ANKS1B: variants seen among roughly 807,000 people sequenced by gnomAD.
The protein encoded by ANKS1B is ankyrin repeat and sterile alpha motif domain containing 1B, also known as ankyrin repeat and sterile alpha motif domain-containing protein 1B.
Under a neutral mutation model 148.3 loss-of-function variants are expected in ANKS1B, and 36 were observed. The ratio of observed to expected loss-of-function variants is 0.24; its 90% CI spans 0.19 to 0.32. ANKS1B has a LOEUF of 0.32. Ranked by LOEUF, ANKS1B falls within the 10% of genes least tolerant of loss-of-function variation. ANKS1B has a pLI of 1.00. For synonymous variants in ANKS1B, 542 were observed against 560.8 expected, an observed-to-expected ratio of 0.97 and a Z score of 0.47; for missense variants, 1,157 against 1,542.6, an observed-to-expected ratio of 0.75 and a Z score of 4.19.
chr12:99,470,860 T>A (rs2096230552), intron 10 of ANKS1B, among the ~76,000 whole-genome samples: 1 of 152,146 alleles, frequency 6.6e-6, no homozygotes, highest in Non-Finnish European at 1.5e-5. Context: ...ACCTGATATT[T>A]TGGCATAAAT....
At chr12:99,573,921 CTCT>C (rs1346127780) in intron 9 of ANKS1B, among the ~76,000 whole-genome samples, 2 of 151,878 alleles carry the variant, frequency 1.3e-5, no homozygotes, top group Non-Finnish European at 2.9e-5. Context: ...TTTTTAATTT[CTCT>C]TTTTTATCAT....
chr12:99,239,776 G>A (rs929281103), intron 14 of ANKS1B, among the ~76,000 whole-genome samples: 1 of 152,196 alleles, frequency 6.6e-6, no homozygotes, highest in Non-Finnish European at 1.5e-5. Context: ...CATTCTTAAA[G>A]AAAAGAATTT....
chr12:98,778,647 G>C (rs966533553), intron 24 of ANKS1B, among the ~76,000 whole-genome samples: 1 of 152,162 alleles, frequency 6.6e-6, no homozygotes, highest in Admixed American at 6.5e-5. Flanking sequence ...CTAGGTATCT[G>C]GGCATGGTTC....
intron 11 of ANKS1B, among the ~76,000 whole-genome samples, chr12:99,412,738 C>G (rs147966182): frequency 6.6e-6 from 1 of 152,208 alleles, no homozygotes; most frequent in Non-Finnish European, 1.5e-5. Context: ...CACTTGCGAT[C>G]CACTCAGCTT....
At chr12:99,919,843 A>G (rs1053919842) in intron 1 of ANKS1B, among the ~76,000 whole-genome samples, 2 of 151,824 alleles carry the variant, frequency 1.3e-5, no homozygotes, top group African/African-American at 4.8e-5. Context: ...ATATCTCATT[A>G]AAAATGTTTA....
At chr12:98,964,145 G>C (rs2099875803) in intron 17 of ANKS1B, among the ~76,000 whole-genome samples, 1 of 152,188 alleles carries the variant, frequency 6.6e-6, no homozygotes, top group South Asian at 2.1e-4. Context: ...TGAAATGTCT[G>C]AATAGACATT....
At chr12:98,932,383 C>T (rs1443705558) in intron 17 of ANKS1B, among the ~76,000 whole-genome samples, 2 of 152,096 alleles carry the variant, frequency 1.3e-5, no homozygotes, top group African/African-American at 4.8e-5. Context: ...CATTTAATTC[C>T]AGGATGCTCA....
intron 12 of ANKS1B, among the ~76,000 whole-genome samples, chr12:99,360,234 A>G (rs1222878827): frequency 6.6e-6 from 1 of 152,146 alleles, no homozygotes; most frequent in Non-Finnish European, 1.5e-5. Flanking sequence ...TCATGGCAAG[A>G]GTCACTTAAT....
intron 12 of ANKS1B, chr12:99,345,091 C>T (rs956625805): frequency 5.3e-5 from 8 of 151,988 alleles, no homozygotes; most frequent in Non-Finnish European, 8.8e-5. Context: ...ATTTTAATAA[C>T]TTTGGAGGTG....
chr12:99,755,328 A>C (rs776941678), intron 8 of ANKS1B, among the ~76,000 whole-genome samples: 2 of 150,544 alleles, frequency 1.3e-5, no homozygotes, highest in Non-Finnish European at 3.0e-5. Flanking sequence ...AGCAAACCAA[A>C]CCTCTGAAAT....
chr12:99,220,798 A>C (rs540208528), intron 14 of ANKS1B, among the ~76,000 whole-genome samples: 2 of 152,254 alleles, frequency 1.3e-5, no homozygotes, highest in South Asian at 4.1e-4. Context: ...TAATTCATTC[A>C]ATAATACAGG....
chr12:99,730,407 T>C (rs1018187746), intron 8 of ANKS1B, among the ~76,000 whole-genome samples: 8 of 152,162 alleles, frequency 5.3e-5, no homozygotes, highest in Non-Finnish European at 1.0e-4. Context: ...TGAGTGCTCA[T>C]TGGGGGCCAG....
chr12:99,137,666 A>G (rs2068620776), intron 15 of ANKS1B, among the ~76,000 whole-genome samples: 1 of 151,966 alleles, frequency 6.6e-6, no homozygotes, highest in Non-Finnish European at 1.5e-5. Context: ...CATTTTTTTT[A>G]AATGGTGTTA....
At chr12:98,932,835 T>TA (rs1194481805) in intron 17 of ANKS1B, among the ~76,000 whole-genome samples, 3 of 152,196 alleles carry the variant, frequency 2.0e-5, no homozygotes, top group Non-Finnish European at 2.9e-5. Context: ...TTGAACCTCT[T>TA]AATGCAGCTC....
At chr12:99,428,006 T>G (rs923649859) in intron 11 of ANKS1B, among the ~76,000 whole-genome samples, 1 of 152,212 alleles carries the variant, frequency 6.6e-6, no homozygotes. Flanking sequence ...TTTTATGCCT[T>G]ATCGAGTAAG....
chr12:99,594,462 T>C (rs2153267552), intron 9 of ANKS1B, among the ~76,000 whole-genome samples: 1 of 152,132 alleles, frequency 6.6e-6, no homozygotes, highest in East Asian at 1.9e-4. Context: ...AACCTAAATG[T>C]CTATCAACAG....
chr12:99,200,235 A>G (rs532006606), intron 14 of ANKS1B, among the ~76,000 whole-genome samples: 1 of 152,390 alleles, frequency 6.6e-6, no homozygotes, highest in Admixed American at 6.5e-5. Flanking sequence ...CAGTGGAACT[A>G]CATCATAAGG....
intron 8 of ANKS1B, among the ~76,000 whole-genome samples, chr12:99,723,553 C>T (rs548141699): frequency 6.6e-6 from 1 of 152,244 alleles, no homozygotes; most frequent in African/African-American, 2.4e-5. Flanking sequence ...GCAGACTTAG[C>T]CTTTCCTCCT....
intron 1 of ANKS1B, among the ~76,000 whole-genome samples, chr12:99,953,251 G>C (rs774682310): frequency 3.3e-5 from 5 of 152,120 alleles, no homozygotes; most frequent in Non-Finnish European, 5.9e-5. Flanking sequence ...AAGTGGGTTA[G>C]TACTAAGTCA....
Sources: gnomAD v4.1 joint callset for allele counts (sites outside exome capture counted in the v4.1 genomes callset) on GRCh38, gnomAD v4.1.1 for gene constraint, MANE v1.5 for transcripts, NCBI Gene and HGNC (gene_info 2026-07-23, HGNC 2026-07-21) for gene names.